Variants in UTRN observed in about 807,000 individuals in gnomAD.
UTRN encodes the protein dystrophin-related protein 1.
UTRN carries 283 observed loss-of-function variants against 463.9 expected under a neutral mutation model. The observed-to-expected ratio is 0.61, with a 90% CI of 0.55 to 0.67. UTRN has a LOEUF of 0.67. Among genes scored for constraint, UTRN ranks in the 30% least tolerant of loss-of-function variants. The pLI is 0.00. For synonymous variants in UTRN, 1,442 were observed against 1,431.5 expected (o/e 1.01, Z -0.17); for missense variants, 3,922 against 4,084.3 (o/e 0.96, Z 1.08).
chr6:144,560,724 T>C (rs1799792590), intron 50 of UTRN, among the ~76,000 whole-genome samples: 1 of 152,122 alleles, frequency 6.6e-6, no homozygotes, highest in South Asian at 2.1e-4. Flanking sequence ...TGCCAAAATC[T>C]AAAAACAGCT....
chr6:144,771,980 T>A lies in UTRN; in HGVS notation c.8557+12T>A. The stretch of plus-strand genomic sequence containing the variant: ...CTTTCAATCCCTTGGTAAGTGTTAT[T>A]AATAGTAATAAATTAACCTAAACAA... On this transcript the variant is annotated intron_variant, in intron 59 of 74. Transcript: ENST00000367545. 1 of 1,477,940 alleles carries A rather than the reference T, an allele frequency of 6.8e-7. No homozygotes were observed. The highest frequency in any genetic ancestry group is 9.1e-7 in the Non-Finnish European group (1 of 1,094,792). The allele number at this position is 1,477,940 out of a possible 1,614,324, so 91.6% of individuals were successfully genotyped here. A position where few individuals can be genotyped will look rare whatever the true frequency, so the allele number is the denominator to read the frequency against.
chr6:144,739,145 G>T (rs1240477286), intron 54 of UTRN, among the ~76,000 whole-genome samples: 1 of 152,068 alleles, frequency 6.6e-6, no homozygotes, highest in Non-Finnish European at 1.5e-5. Flanking sequence ...TTAACTCAGG[G>T]TATACTGTTT....
intron 23 of UTRN, among the ~76,000 whole-genome samples, chr6:144,472,720 A>G (rs1790787242): frequency 6.6e-6 from 1 of 152,052 alleles, no homozygotes; most frequent in African/African-American, 2.4e-5. Context: ...AGAAATGACA[A>G]TGATTTTGGT....
chr6:144,506,354 G>A (rs912783286), intron 34 of UTRN, among the ~76,000 whole-genome samples: 2 of 152,042 alleles, frequency 1.3e-5, no homozygotes, highest in Admixed American at 1.3e-4. Context: ...TCTTCATAGT[G>A]TCCATGGTCT....
intron 52 of UTRN, among the ~76,000 whole-genome samples, chr6:144,697,004 T>G (rs1394648232): frequency 2.0e-5 from 3 of 152,158 alleles, no homozygotes; most frequent in African/African-American, 7.2e-5. Context: ...TGAAGTACCA[T>G]TTTTATGGGT....
chr6:144,813,183 A>ATTTTTT (rs1298373714), intron 65 of UTRN, among the ~76,000 whole-genome samples: 13 of 147,222 alleles, frequency 8.8e-5, no homozygotes, highest in African/African-American at 3.4e-4. Context: ...TTTTATTTTT[A>ATTTTTT]TTTATTTATT....
intron 23 of UTRN, among the ~76,000 whole-genome samples, chr6:144,468,421 T>C (rs1164722439): frequency 6.6e-6 from 1 of 152,226 alleles, no homozygotes; most frequent in African/African-American, 2.4e-5. Context: ...TATTCGTAAT[T>C]TTATATTCAT....
chr6:144,498,208 T>C (rs1793840496), intron 33 of UTRN, among the ~76,000 whole-genome samples: 1 of 152,254 alleles, frequency 6.6e-6, no homozygotes, highest in African/African-American at 2.4e-5. Flanking sequence ...GAAGCCAGAA[T>C]GGCATGGCTC....
At chr6:144,808,299 A>G (rs912782350) in intron 65 of UTRN, among the ~76,000 whole-genome samples, 3 of 151,994 alleles carry the variant, frequency 2.0e-5, no homozygotes, top group Middle Eastern at 3.2e-3. Context: ...TGTATTATCC[A>G]TGCATTAAAC....
chr6:144,344,448 G>T (rs780957895), intron 2 of UTRN: 1 of 947,818 alleles, frequency 1.1e-6, no homozygotes, highest in Non-Finnish European at 1.4e-6. Context: ...TGTCTTTCCT[G>T]CTGCCACGTC....
At chr6:144,639,971 C>A (rs187031763) in intron 51 of UTRN, among the ~76,000 whole-genome samples, 1 of 152,096 alleles carries the variant, frequency 6.6e-6, no homozygotes, top group East Asian at 1.9e-4. Flanking sequence ...AGGAAAGGCT[C>A]CAGCATGTGC....
At chr6:144,732,257 T>TATACATATATATATATATAC (rs1562832796) in intron 54 of UTRN, among the ~76,000 whole-genome samples, 36 of 85,506 alleles carry the variant, frequency 4.2e-4, no homozygotes, top group Non-Finnish European at 6.6e-4. Flanking sequence ...TATATATATA[T>TATACATATATATATATATAC]ACACACATAT....
rs145751610 is a variant in UTRN at position 144,816,780 on chromosome 6, G to A, written c.9358-4102G>A. Reference sequence around the variant, plus strand: ...TTTTTTATAGAGATGGGGTTTTGCCGTGTTGCCCAGGCTGGTCTCGAACTC... The same window carrying A: ...TTTTTTATAGAGATGGGGTTTTGCCATGTTGCCCAGGCTGGTCTCGAACTC... On this transcript the variant is annotated intron_variant, in intron 65 of 74. Transcript: ENST00000367545. Among the ~76,000 whole-genome samples the A allele has an allele frequency of 8.5e-3, 1,174 of 138,206 alleles. 14 individuals are homozygous for A. Among genetic ancestry groups the A allele is most frequent in the African/African-American group, 0.031 (1,119 of 36,536 alleles). The allele number at this position is 138,206 out of a possible 152,430, so 90.7% of individuals were successfully genotyped here. A position where few individuals can be genotyped will look rare whatever the true frequency, so the allele number is the denominator to read the frequency against.
intron 39 of UTRN, among the ~76,000 whole-genome samples, chr6:144,521,020 T>G (rs1796039954): frequency 6.6e-6 from 1 of 151,914 alleles, no homozygotes; most frequent in Non-Finnish European, 1.5e-5. Context: ...GCATGGTGGC[T>G]CATGCCTGTA....
intron 10 of UTRN, 110 bp from the exon 11 acceptor site, chr6:144,437,455 A>T (rs1786676689): frequency 9.0e-7 from 1 of 1,107,624 alleles, no homozygotes; most frequent in Admixed American, 3.2e-5. Context: ...CTACTAGGCT[A>T]CCTTTTTCTG....
chr6:144,725,372 G>A (rs993235306), intron 53 of UTRN, among the ~76,000 whole-genome samples: 3 of 152,150 alleles, frequency 2.0e-5, no homozygotes, highest in South Asian at 2.1e-4. Context: ...TACTAGCAGC[G>A]TGAGAATGGA....
intron 53 of UTRN, among the ~76,000 whole-genome samples, chr6:144,701,635 C>T (rs1437146322): frequency 3.3e-5 from 5 of 152,140 alleles, no homozygotes; most frequent in African/African-American, 9.7e-5. Context: ...TCACTCCTCC[C>T]ATGTAATGAA....
At chr6:144,418,077 G>T (rs192237295) in intron 3 of UTRN, among the ~76,000 whole-genome samples, 174 of 152,162 alleles carry the variant, frequency 1.1e-3, no homozygotes, top group African/African-American at 3.9e-3. Flanking sequence ...TGTCATCTTA[G>T]TTTAACAGGT....
chr6:144,539,226 T>TA, intron 44 of UTRN, 68 bp from the exon 45 acceptor site: 1 of 1,452,024 alleles, frequency 6.9e-7, no homozygotes, highest in Non-Finnish European at 9.2e-7. Context: ...AAAAGGTTTC[T>TA]AATACAGTTC....
Sources: gnomAD v4.1 joint callset for allele counts (sites outside exome capture counted in the v4.1 genomes callset) on GRCh38, gnomAD v4.1.1 for gene constraint, MANE v1.5 for transcripts, NCBI Gene and HGNC (gene_info 2026-07-23, HGNC 2026-07-21) for gene names.